Variants in CEMIP observed in about 807,000 individuals in gnomAD.
The protein encoded by CEMIP is cell migration-inducing and hyaluronan-binding protein.
Under a neutral mutation model 156.9 loss-of-function variants are expected in CEMIP, and 105 were observed. The observed-to-expected ratio is 0.67, with a 90% CI of 0.57 to 0.79. CEMIP has a LOEUF of 0.79. Among genes scored for constraint, CEMIP ranks in the 30% least tolerant of loss-of-function variants. The pLI is 0.00. For missense variants in CEMIP, 1,457 were observed against 1,769.4 expected, an observed-to-expected ratio of 0.82 and a Z score of 3.17; for synonymous variants, 676 against 668.4, an observed-to-expected ratio of 1.01 and a Z score of -0.17.
At chr15:80,849,552 G>C (rs1333174884) in intron 1 of CEMIP, among the ~76,000 whole-genome samples, 2 of 152,116 alleles carry the variant, frequency 1.3e-5, no homozygotes, top group Non-Finnish European at 2.9e-5. Context: ...GTGACCTGAG[G>C]GTTCTCGGGC....
At chr15:80,909,366 G>A in intron 14 of CEMIP, 60 bp downstream of exon 14, 1 of 1,544,530 alleles carries the variant, frequency 6.5e-7, no homozygotes, top group South Asian at 1.1e-5. Flanking sequence ...TAGCACTGGA[G>A]GGGTGTTTGG....
At chr15:80,849,845 G>A (rs1897670697) in intron 1 of CEMIP, among the ~76,000 whole-genome samples, 1 of 152,218 alleles carries the variant, frequency 6.6e-6, no homozygotes, top group Non-Finnish European at 1.5e-5. Flanking sequence ...TGAAGGCAGA[G>A]AGACAGAGAT....
At chr15:80,924,061 C>T (rs1900568550) in intron 17 of CEMIP, among the ~76,000 whole-genome samples, 1 of 152,188 alleles carries the variant, frequency 6.6e-6, no homozygotes, top group South Asian at 2.1e-4. Context: ...CCTCCCTGGG[C>T]AGCATCACTC....
Position 80,895,911 on chromosome 15 carries a change from G to T in CEMIP, c.1262G>T (p.Ser421Ile). 6.2e-7 allele frequency: 1 copy of T among 1,614,186 alleles called. No individual in the cohort carries two copies. Among genetic ancestry groups the T allele is most frequent in the South Asian group, 1.1e-5 (1 of 91,078 alleles). ...GTCACCATTGACACCAATGTGAACA[G>T]CACCATTCTGAACTTGGAGGATAAT... is the stretch of plus-strand genomic sequence containing the variant. ...LTVTIDTNVN[S>I]TILNLEDNVQ... Residue 421 changes from serine to isoleucine, a missense_variant, in exon 12 of 30, where the codon AGC (serine) becomes ATC (isoleucine). By Grantham distance (142) the Ser-to-Ile change is moderately radical (BLOSUM62 -2). Around this residue, in one of 5 missense-constraint regions of CEMIP, gnomAD observed 280 missense variants for 300.3 expected, o/e 0.93. Coordinates refer to ENST00000394685, the MANE Select transcript of CEMIP (RefSeq NM_001293298.2).
intron 1 of CEMIP, among the ~76,000 whole-genome samples, chr15:80,819,824 TG>T (rs1318364267): frequency 6.6e-6 from 1 of 152,234 alleles, no homozygotes; most frequent in Non-Finnish European, 1.5e-5. Context: ...CCTTGAGCTA[TG>T]GGTCTCAATA....
At chr15:80,863,483 TA>T (rs996699803) in intron 1 of CEMIP, among the ~76,000 whole-genome samples, 1 of 152,184 alleles carries the variant, frequency 6.6e-6, no homozygotes, top group Non-Finnish European at 1.5e-5. Flanking sequence ...TCAGGAACTC[TA>T]AAGACAGAAT....
intron 3 of CEMIP, among the ~76,000 whole-genome samples, chr15:80,875,359 G>A (rs1212384158): frequency 6.6e-6 from 1 of 151,880 alleles, no homozygotes; most frequent in African/African-American, 2.4e-5. Flanking sequence ...TAACCCTCCA[G>A]GCAATAATTG....
At chr15:80,901,147 C>G (rs542284206) in intron 12 of CEMIP, among the ~76,000 whole-genome samples, 2 of 152,228 alleles carry the variant, frequency 1.3e-5, no homozygotes, top group African/African-American at 2.4e-5. Flanking sequence ...CCCATAAACA[C>G]CCCCCACATC....
chr15:80,794,349 T>G (rs1472188668), intron 1 of CEMIP, among the ~76,000 whole-genome samples: 1 of 152,220 alleles, frequency 6.6e-6, no homozygotes, highest in South Asian at 2.1e-4. Flanking sequence ...AGCAGTTTAC[T>G]GAAGTCAGCT....
At chr15:80,933,188 C>T (rs948555122) in intron 22 of CEMIP, 57 bp from the exon 23 acceptor site, 12 of 1,451,480 alleles carry the variant, frequency 8.3e-6, no homozygotes, top group African/African-American at 4.2e-5. Flanking sequence ...GGCCTGATGA[C>T]GGCTGCAGTT....
intron 1 of CEMIP, among the ~76,000 whole-genome samples, chr15:80,865,934 G>C (rs1342245165): frequency 2.0e-5 from 3 of 152,178 alleles, no homozygotes; most frequent in Non-Finnish European, 4.4e-5. Context: ...GATCCTTAAG[G>C]GTGGAGATCT....
At chr15:80,784,512 A>C (rs924272535) in intron 1 of CEMIP, among the ~76,000 whole-genome samples, 1 of 152,120 alleles carries the variant, frequency 6.6e-6, no homozygotes, top group Non-Finnish European at 1.5e-5. Flanking sequence ...AGTGGCCTGG[A>C]GGACAGGCAC....
intron 1 of CEMIP, chr15:80,842,014 C>T (rs776140188): frequency 2.1e-6 from 1 of 469,194 alleles, no homozygotes; most frequent in African/African-American, 2.1e-5. Flanking sequence ...ATAGTTGTCA[C>T]TGATTTGAGA....
intron 1 of CEMIP, among the ~76,000 whole-genome samples, chr15:80,807,893 G>A (rs1161094897): frequency 6.6e-6 from 1 of 152,212 alleles, no homozygotes; most frequent in Non-Finnish European, 1.5e-5. Context: ...GCTCTGTAGA[G>A]AGCATGTGTC....
chr15:80,932,054 A>G lies in CEMIP; in HGVS notation c.2793+15A>G, dbSNP rs745428233. On this transcript the variant is annotated intron_variant, in intron 22 of 29. Coordinates refer to ENST00000394685, the MANE Select transcript of CEMIP (RefSeq NM_001293298.2). This position sits in a 1 kb window ranked among gnomAD's most constrained non-coding sequence, Gnocchi z 4.5. ...AGGACGTTCCGGTGAGTGAGGCGCC[A>G]GGGCAGACTCCCGGCAAACCCAGAC... 6.2e-7 allele frequency: 1 copy of G among 1,611,770 alleles called. No individual in the cohort carries two copies. The highest frequency in any genetic ancestry group is 8.5e-7 in the Non-Finnish European group (1 of 1,179,980).
intron 1 of CEMIP, among the ~76,000 whole-genome samples, chr15:80,866,268 G>A (rs182419705): frequency 7.2e-5 from 11 of 152,220 alleles, no homozygotes; most frequent in African/African-American, 1.7e-4. Context: ...GAAATTTCCC[G>A]TATCAATGTT....
chr15:80,838,569 C>G (rs180822619), intron 1 of CEMIP, among the ~76,000 whole-genome samples: 48 of 152,076 alleles, frequency 3.2e-4, no homozygotes, highest in Admixed American at 7.2e-4. Context: ...TCATCAGGCC[C>G]CTTTAAGAAG....
chr15:80,882,757 TACACACACACAC>T, intron 6 of CEMIP, among the ~76,000 whole-genome samples: 1 of 149,962 alleles, frequency 6.7e-6, no homozygotes, highest in East Asian at 2.0e-4. Flanking sequence ...TGCACACACA[TACACACACACAC>T]ACACACACAC....
rs747818061 is a variant in CEMIP, at chr15:80,946,953, C to T, written c.3858-12C>T. Reference sequence around the variant, plus strand: ...TCTCTCCCTCTGGTCTAATTGGTTTCTTCTCACACAGTTCCATAGTGCTTA... The same window carrying T: ...TCTCTCCCTCTGGTCTAATTGGTTTTTTCTCACACAGTTCCATAGTGCTTA... On this transcript the variant is annotated splice_polypyrimidine_tract_variant and intron_variant, in intron 28 of 29. Coordinates refer to ENST00000394685, the MANE Select transcript of CEMIP (RefSeq NM_001293298.2). 15 of 1,593,850 alleles carry T rather than the reference C, an allele frequency of 9.4e-6. No individual in the cohort carries two copies. The highest frequency in any genetic ancestry group is 1.1e-5 in the Non-Finnish European group (13 of 1,161,768).
Sources: allele counts gnomAD v4.1 joint callset (sites outside exome capture counted in the v4.1 genomes callset), GRCh38; gene constraint gnomAD v4.1.1; regional missense constraint gnomAD v4.1.1; non-coding constraint Gnocchi (gnomAD v3.1); transcripts MANE v1.5; gene names NCBI Gene and HGNC (gene_info 2026-07-23, HGNC 2026-07-21).